Variants in LAMC1 observed in about 807,000 individuals in gnomAD.
LAMC1 encodes the protein laminin subunit gamma-1.
A neutral mutation model predicts 173.6 loss-of-function variants in LAMC1; 38 were observed. That is an observed-to-expected ratio of 0.22 (90% CI 0.17 to 0.29). The LOEUF (loss-of-function observed/expected upper bound fraction) is 0.29, where lower values mean the gene tolerates loss of function less well. Among genes scored for constraint, LAMC1 ranks in the 10% least tolerant of loss-of-function variants. LAMC1 has a pLI of 1.00. For synonymous variants in LAMC1, 746 were observed against 749.1 expected, an observed-to-expected ratio of 1.00 and a Z score of 0.07; for missense variants, 1,824 against 2,051.8, an observed-to-expected ratio of 0.89 and a Z score of 2.14.
chr1:183,134,900 C>T, intron 23 of LAMC1, 91 bp downstream of exon 23: 1 of 1,407,126 alleles, frequency 7.1e-7, no homozygotes, highest in Non-Finnish European at 9.9e-7. Flanking sequence ...TCAGAGACAG[C>T]AGACCCCAGT....
At chr1:183,091,239 A>T (rs1252354423) in intron 1 of LAMC1, among the ~76,000 whole-genome samples, 1 of 152,112 alleles carries the variant, frequency 6.6e-6, no homozygotes, top group Non-Finnish European at 1.5e-5. Context: ...GATTTCTTAG[A>T]TCTGGATTGG....
chr1:183,030,691 C>T (rs1377891782), intron 1 of LAMC1, among the ~76,000 whole-genome samples: 1 of 152,116 alleles, frequency 6.6e-6, no homozygotes, highest in Non-Finnish European at 1.5e-5. Flanking sequence ...CTATGACTGT[C>T]CTTTTTTGGG....
At chr1:183,051,646 T>TC in intron 1 of LAMC1, among the ~76,000 whole-genome samples, 5 of 152,326 alleles carry the variant, frequency 3.3e-5, no homozygotes, top group Middle Eastern at 6.8e-3. Flanking sequence ...ATGCTGCTCT[T>TC]CCCAAGGGGA....
At position 183,023,843 on chromosome 1, in the gene LAMC1, G is replaced by C; in HGVS notation, c.127G>C (p.Glu43Gln). 1 of 1,605,880 alleles carries C rather than the reference G, an allele frequency of 6.2e-7. No homozygotes were observed. The highest frequency in any genetic ancestry group is 1.3e-5 in the African/African-American group (1 of 74,934). ...AQAAMDECTD[E>Q]GGRPQRCMPE... ...GGCAGCCATGGACGAGTGCACGGAC[G>C]AGGGCGGGCGGCCGCAGCGCTGCAT... The change falls in exon 1 of 28, where the codon GAG becomes CAG. Residue 43 changes from glutamate (E) to glutamine (Q), a missense_variant. Coordinates refer to ENST00000258341, the MANE Select transcript of LAMC1 (RefSeq NM_002293.4).
chr1:183,103,292 G>T (rs1271695157), intron 1 of LAMC1, 36 bp from the exon 2 acceptor site: 2 of 1,581,868 alleles, frequency 1.3e-6, no homozygotes, highest in African/African-American at 1.3e-5. Flanking sequence ...TGCTTCATAC[G>T]TATGATTTAT....
intron 26 of LAMC1, chr1:183,138,092 A>G (rs199810647): frequency 5.3e-6 from 2 of 378,154 alleles, no homozygotes; most frequent in East Asian, 3.3e-4. Flanking sequence ...TTAGGACATT[A>G]AAAGTATGTG....
At chr1:183,058,034 A>G (rs1654641760) in intron 1 of LAMC1, among the ~76,000 whole-genome samples, 1 of 152,104 alleles carries the variant, frequency 6.6e-6, no homozygotes, top group South Asian at 2.1e-4. Context: ...ATAAACCATC[A>G]GTTTATGTCA....
intron 4 of LAMC1, among the ~76,000 whole-genome samples, chr1:183,112,258 T>C (rs1171473190): frequency 6.6e-6 from 1 of 152,218 alleles, no homozygotes; most frequent in Non-Finnish European, 1.5e-5. Context: ...ATATTCAGTG[T>C]TGGAAGCTCT....
At chr1:183,055,591 A>T (rs572957694) in intron 1 of LAMC1, among the ~76,000 whole-genome samples, 2 of 152,128 alleles carry the variant, frequency 1.3e-5, no homozygotes, top group East Asian at 3.9e-4. Flanking sequence ...AGGCGGGCAG[A>T]TCACAAGGTC....
At chr1:183,112,331 G>A (rs979223651) in intron 4 of LAMC1, among the ~76,000 whole-genome samples, 1 of 152,204 alleles carries the variant, frequency 6.6e-6, no homozygotes, top group Non-Finnish European at 1.5e-5. Flanking sequence ...AAATGGACAT[G>A]TGTGCTTGAA....
At chr1:183,133,095 G>C (rs10911259) in intron 21 of LAMC1, among the ~76,000 whole-genome samples, 78,396 of 151,530 alleles carry the variant, frequency 0.52, 20,939 homozygotes, top group South Asian at 0.65. Flanking sequence ...ATTTTCAGTA[G>C]AGACGGGGTT....
At chr1:183,117,760 A>C in intron 10 of LAMC1, 37 bp downstream of exon 10, 1 of 1,558,582 alleles carries the variant, frequency 6.4e-7, no homozygotes, top group Non-Finnish European at 8.8e-7. Context: ...GACTTGACGA[A>C]CATTGTGAAA....
intron 1 of LAMC1, 23 bp from the exon 2 acceptor site, chr1:183,103,305 C>A: frequency 6.2e-7 from 1 of 1,603,666 alleles, no homozygotes; most frequent in Non-Finnish European, 8.5e-7. Context: ...TGATTTATGA[C>A]CTTTGATGTG....
At chr1:183,123,924 G>A (rs552345207) in intron 13 of LAMC1, among the ~76,000 whole-genome samples, 1 of 152,280 alleles carries the variant, frequency 6.6e-6, no homozygotes, top group South Asian at 2.1e-4. Context: ...AAGATATCAC[G>A]AGCCCAACTT....
intron 1 of LAMC1, among the ~76,000 whole-genome samples, chr1:183,071,154 G>A (rs976497151): frequency 6.7e-6 from 1 of 149,882 alleles, no homozygotes; most frequent in African/African-American, 2.5e-5. Flanking sequence ...TATGAAACTT[G>A]GTGTGTATGT....
intron 1 of LAMC1, among the ~76,000 whole-genome samples, chr1:183,033,979 G>A (rs1372487806): frequency 1.3e-5 from 2 of 152,064 alleles, no homozygotes; most frequent in Non-Finnish European, 1.5e-5. Context: ...GATTACAGTC[G>A]TGAGCCACTG....
intron 1 of LAMC1, among the ~76,000 whole-genome samples, chr1:183,086,353 T>G (rs1470959394): frequency 6.6e-6 from 1 of 152,264 alleles, no homozygotes; most frequent in Admixed American, 6.5e-5. Context: ...TTAGTTCCAC[T>G]GTTTTGTAAA....
At chr1:183,029,714 A>G (rs993101168) in intron 1 of LAMC1, among the ~76,000 whole-genome samples, 1 of 152,134 alleles carries the variant, frequency 6.6e-6, no homozygotes, top group Non-Finnish European at 1.5e-5. Context: ...CACAGTCCCT[A>G]TCACATAGGA....
chr1:183,065,268 G>A (rs1654848623), intron 1 of LAMC1, among the ~76,000 whole-genome samples: 1 of 152,092 alleles, frequency 6.6e-6, no homozygotes, highest in African/African-American at 2.4e-5. Context: ...ATGACTGTAT[G>A]TATAGCGAGG....
Sources: allele counts gnomAD v4.1 joint callset (sites outside exome capture counted in the v4.1 genomes callset), GRCh38; gene constraint gnomAD v4.1.1; transcripts MANE v1.5; gene names NCBI Gene and HGNC (gene_info 2026-07-23, HGNC 2026-07-21).